Variants in MRS2 observed in about 807,000 individuals in gnomAD.
MRS2 encodes magnesium transporter MRS2 homolog, mitochondrial.
Under a neutral mutation model 52.6 loss-of-function variants are expected in MRS2, and 40 were observed. The ratio of observed to expected loss-of-function variants is 0.76; its 90% CI spans 0.59 to 0.99. The LOEUF (loss-of-function observed/expected upper bound fraction) is 0.99, where lower values mean the gene tolerates loss of function less well. Ranked by LOEUF, MRS2 falls within the 50% of genes least tolerant of loss-of-function variation. The pLI, the probability that MRS2 is intolerant of heterozygous loss-of-function variation, is 0.00. For synonymous variants in MRS2, 193 were observed against 195.9 expected (o/e 0.98, Z 0.13); for missense variants, 472 against 532.7 (o/e 0.89, Z 1.12).
At chr6:24,422,359 T>C (rs1422206519) in intron 9 of MRS2, among the ~76,000 whole-genome samples, 1 of 152,180 alleles carries the variant, frequency 6.6e-6, no homozygotes, top group Non-Finnish European at 1.5e-5. Context: ...CTAAAAACAG[T>C]GTGCTGCAAA....
chr6:24,421,048 T>C (rs1324206866), intron 9 of MRS2, among the ~76,000 whole-genome samples: 1 of 152,162 alleles, frequency 6.6e-6, no homozygotes, highest in Non-Finnish European at 1.5e-5. Flanking sequence ...AAAAGATACA[T>C]CCAAAGACCT....
In MRS2 at chr6:24,416,255, C is replaced by CTTT. The variant is rs35657958; in HGVS notation, c.720-129_720-127dup. 9.5e-3 allele frequency: 3,746 copies of CTTT among 395,594 alleles called. 17 individuals carry two copies. The highest frequency in any genetic ancestry group is 0.012 in the Non-Finnish European group (2,602 of 220,650). The allele number at this position is 395,594 out of a possible 1,614,324, so 24.5% of individuals were successfully genotyped here. A position where few individuals can be genotyped will look rare whatever the true frequency, so the allele number is the denominator to read the frequency against. ...CTTAATTTGCCTGGTAAATACTCAA[C>CTTT]TTTTTTTTTTTTTTTAAATAAGTCA... On this transcript the variant is annotated intron_variant, in intron 6 of 10. Coordinates refer to ENST00000378386, the MANE Select transcript of MRS2 (RefSeq NM_020662.4).
intron 4 of MRS2, among the ~76,000 whole-genome samples, chr6:24,411,417 T>C (rs1220014668): frequency 1.3e-5 from 2 of 152,192 alleles, no homozygotes; most frequent in African/African-American, 4.8e-5. Flanking sequence ...GCTTTAGTGG[T>C]GTTTTAAAAA....
At chr6:24,412,472 A>T in intron 5 of MRS2, 77 bp downstream of exon 5, 1 of 1,197,430 alleles carries the variant, frequency 8.4e-7, no homozygotes, top group Non-Finnish European at 1.2e-6. Flanking sequence ...AAGTTGGGGT[A>T]TTGTTTCAAT....
At chr6:24,411,870 T>G (rs1175792903) in intron 4 of MRS2, among the ~76,000 whole-genome samples, 7 of 150,222 alleles carry the variant, frequency 4.7e-5, no homozygotes, top group African/African-American at 1.7e-4. Context: ...TTTTTTTTTG[T>G]TTTTGTTTTT....
chr6:24,404,363 C>G (rs1478711516), intron 1 of MRS2, among the ~76,000 whole-genome samples: 1 of 152,174 alleles, frequency 6.6e-6, no homozygotes, highest in Non-Finnish European at 1.5e-5. Flanking sequence ...ATTCATCTTA[C>G]CCTTATAGTG....
Position 24,423,702 on chromosome 6 carries a change from C to A in MRS2, c.*8C>A, listed in dbSNP as rs62401890. 6.1e-6 allele frequency: 9 copies of A among 1,475,460 alleles called. No homozygotes were observed. In the Admixed American group the frequency reaches 9.4e-5, roughly 15 times the overall value. The allele number at this position is 1,475,460 out of a possible 1,614,324, so 91.4% of individuals were successfully genotyped here. On this transcript the variant is annotated 3_prime_UTR_variant, in exon 11 of 11. Coordinates refer to ENST00000378386, the MANE Select transcript of MRS2 (RefSeq NM_020662.4). ...ATCCTAACAAACCGTTAGGAACAGC[C>A]CCGTGGATACTGAAGTTTTTTTTAT... is the stretch of plus-strand genomic sequence containing the variant.
At chr6:24,415,228 T>G in intron 6 of MRS2, 65 bp downstream of exon 6, 2 of 1,474,160 alleles carry the variant, frequency 1.4e-6, no homozygotes, top group South Asian at 3.0e-5. Flanking sequence ...ATTATTAACA[T>G]TTTGTTTCAT....
At chr6:24,420,120 C>G (rs896310497) in intron 9 of MRS2, among the ~76,000 whole-genome samples, 4 of 152,208 alleles carry the variant, frequency 2.6e-5, no homozygotes, top group African/African-American at 9.6e-5. Flanking sequence ...CCTGCCGCAC[C>G]GACTTGTCCA....
intron 5 of MRS2, among the ~76,000 whole-genome samples, chr6:24,412,886 T>G: frequency 6.6e-6 from 1 of 152,270 alleles, no homozygotes; most frequent in Non-Finnish European, 1.5e-5. Flanking sequence ...TAAGTCAGGA[T>G]GGTACTGTTC....
chr6:24,423,146 G>A, intron 10 of MRS2, 96 bp downstream of exon 10: 1 of 939,448 alleles, frequency 1.1e-6, no homozygotes, highest in South Asian at 1.6e-5. Context: ...CAGGCACTAT[G>A]GCCCTTGCGA....
intron 9 of MRS2, chr6:24,418,834 G>A (rs937125029): frequency 9.1e-6 from 3 of 329,976 alleles, no homozygotes; most frequent in African/African-American, 6.4e-5. Flanking sequence ...GGGAGGCGGA[G>A]GTTGCAGTGA....
intron 9 of MRS2, chr6:24,419,199 T>G (rs968689855): frequency 4.6e-5 from 7 of 152,920 alleles, no homozygotes; most frequent in African/African-American, 1.7e-4. Flanking sequence ...ATCACACCAC[T>G]GCACTCCAGC....
rs1043559009 is a variant in MRS2 at position 24,425,177 on chromosome 6, A to G, written c.*1483A>G. On this transcript the variant is annotated 3_prime_UTR_variant, in exon 11 of 11. Transcript: ENST00000378386. ...ATAATACTTATATTTCACAGGGCAC[A>G]CTTTTGGCACACCTCAGAGCACACT... 6 of 152,168 alleles carry G rather than the reference A, an allele frequency of 3.9e-5. No homozygotes were observed. Among genetic ancestry groups the G allele is most frequent in the African/African-American group, 1.4e-4 (6 of 41,440 alleles). 9.4% of individuals were successfully genotyped at this position (152,168 alleles called of 1,614,324 possible). A position where few individuals can be genotyped will look rare whatever the true frequency, so the allele number is the denominator to read the frequency against.
intron 10 of MRS2, 194 bp from the exon 11 acceptor site, chr6:24,423,390 T>TTA: frequency 2.0e-6 from 1 of 500,594 alleles, no homozygotes; most frequent in South Asian, 3.2e-5. Flanking sequence ...TAGGAAACAT[T>TTA]TATAACGTTC....
rs1470862338 is a variant in MRS2 at position 24,424,666 on chromosome 6, T to C, written c.*972T>C. 1 of 152,230 alleles carries C rather than the reference T, an allele frequency of 6.6e-6. No homozygotes were observed. Among genetic ancestry groups the C allele is most frequent in the East Asian group, 1.9e-4 (1 of 5,202 alleles). 9.4% of individuals were successfully genotyped at this position (152,230 alleles called of 1,614,324 possible). On this transcript the variant is annotated 3_prime_UTR_variant, in exon 11 of 11. Transcript: ENST00000378386. ...CCTACCTACCTTTTAAAATATTTTCTGGAGGTTAAGTACAGTTAGGCACTA... is the reference window on the plus strand; with the variant it reads ...CCTACCTACCTTTTAAAATATTTTCCGGAGGTTAAGTACAGTTAGGCACTA...
At chr6:24,413,750 T>G (rs1761744837) in intron 5 of MRS2, among the ~76,000 whole-genome samples, 1 of 152,244 alleles carries the variant, frequency 6.6e-6, no homozygotes, top group Non-Finnish European at 1.5e-5. Context: ...AAAAATCTGT[T>G]TCACAGTAAT....
Position 24,403,062 on chromosome 6 carries a change from A to G in MRS2, c.16A>G (p.Ser6Gly). The change falls in exon 1 of 11, where the codon AGT (serine) becomes GGT (glycine). Residue 6 changes from serine (S) to glycine (G), a missense_variant. Transcript: ENST00000378386. Reference protein sequence around the residue: MECLRSLPCLLPRAMR... With the variant: MECLRGLPCLLPRAMR... ...CTCCAGCACCATGGAATGCCTGCGC[A>G]GTTTACCCTGCCTCCTGCCCCGCGC... 6.2e-7 allele frequency: 1 copy of G among 1,608,494 alleles called. No homozygotes were observed. Among genetic ancestry groups the G allele is most frequent in the Non-Finnish European group, 8.5e-7 (1 of 1,178,298 alleles).
chr6:24,422,148 C>T (rs1762064042), intron 9 of MRS2, among the ~76,000 whole-genome samples: 1 of 117,614 alleles, frequency 8.5e-6, no homozygotes, highest in Non-Finnish European at 2.1e-5. Context: ...GACTCCATCT[C>T]AACAACAACA....
Sources: gnomAD v4.1 joint callset for allele counts (sites outside exome capture counted in the v4.1 genomes callset) on GRCh38, gnomAD v4.1.1 for gene constraint, MANE v1.5 for transcripts, NCBI Gene and HGNC (gene_info 2026-07-23, HGNC 2026-07-21) for gene names.